UNC79: variants seen among roughly 807,000 people sequenced by gnomAD.
UNC79 encodes the protein unc-79 subunit of NALCN channel complex.
In UNC79, 37 loss-of-function variants were observed where a neutral mutation model predicts 283.1. The observed-to-expected ratio is 0.13, with a 90% confidence interval of 0.10 to 0.17. The LOEUF (loss-of-function observed/expected upper bound fraction) is 0.17. UNC79 is among the 10% of genes least tolerant of loss of function. The pLI is 1.00. For synonymous variants in UNC79, 1,107 were observed against 1,200.2 expected (o/e 0.92, Z 1.61); for missense variants, 2,272 against 3,211.1 (o/e 0.71, Z 7.07).
At chr14:93,670,988 T>C (rs929955570) in intron 40 of UNC79, among the ~76,000 whole-genome samples, 5 of 152,234 alleles carry the variant, frequency 3.3e-5, no homozygotes, top group Non-Finnish European at 7.3e-5. Context: ...TTTCTGCACA[T>C]GTGTTATATT....
intron 1 of UNC79, among the ~76,000 whole-genome samples, chr14:93,401,355 C>T (rs1442188037): frequency 6.6e-6 from 1 of 152,160 alleles, no homozygotes; most frequent in African/African-American, 2.4e-5. Context: ...AAGGTGGCAG[C>T]ATGTACATGT....
intron 23 of UNC79, among the ~76,000 whole-genome samples, chr14:93,594,278 GTT>G (rs989234232): frequency 2.0e-5 from 3 of 150,814 alleles, no homozygotes; most frequent in Admixed American, 6.6e-5. Context: ...GGTTTTTTGT[GTT>G]TTTTTTTGAG....
At chr14:93,654,279 C>T (rs2140349263) in intron 37 of UNC79, among the ~76,000 whole-genome samples, 1 of 152,162 alleles carries the variant, frequency 6.6e-6, no homozygotes, top group South Asian at 2.1e-4. Flanking sequence ...TTGCTCGAGG[C>T]CAGGAGTTCA....
chr14:93,481,046 G>A (rs1164364647), intron 4 of UNC79, among the ~76,000 whole-genome samples: 1 of 152,136 alleles, frequency 6.6e-6, no homozygotes, highest in African/African-American at 2.4e-5. Flanking sequence ...GCTCTTCAGA[G>A]TAAGAGGCCA....
At chr14:93,592,050 T>G in intron 22 of UNC79, among the ~76,000 whole-genome samples, 1 of 152,212 alleles carries the variant, frequency 6.6e-6, no homozygotes. Context: ...TGTAAATGTT[T>G]GTGTGTGTAA....
chr14:93,494,964 T>C (rs919170732), intron 5 of UNC79, among the ~76,000 whole-genome samples: 1 of 152,026 alleles, frequency 6.6e-6, no homozygotes, highest in Non-Finnish European at 1.5e-5. Flanking sequence ...AAACAGGTAA[T>C]AGGATCAAGC....
At chr14:93,591,542 T>C (rs1159540819) in intron 22 of UNC79, among the ~76,000 whole-genome samples, 1 of 152,196 alleles carries the variant, frequency 6.6e-6, no homozygotes, top group Non-Finnish European at 1.5e-5. Context: ...ATAAGGAAAA[T>C]GCATTTGCAG....
Position 93,474,261 on chromosome 14 carries a change from G to T in UNC79, c.316G>T (p.Ala106Ser), listed in dbSNP as rs2057675419. ...CCTCCTTTACAGCGTCCTGCGAGAT[G>T]CTCCCTCAGAACGCGGCCCGCAAAG... Residue 106 changes from alanine (A) to serine (S), a missense_variant, in exon 3 of 49, where the codon GCT (alanine) becomes TCT (serine). This residue lies in a region of UNC79 where 194 missense variants were observed against 268.9 expected (regional missense o/e 0.72). Transcript: ENST00000555664. The surrounding 1 kb of genome is among the most constrained non-coding windows in gnomAD (Gnocchi z 4.1). The T allele has an allele frequency of 5.9e-6, 9 of 1,536,032 alleles. No individual in the cohort carries two copies. The highest frequency in any genetic ancestry group is 7.8e-6 in the Non-Finnish European group (9 of 1,146,856).
At chr14:93,534,769 C>T (rs117633454) in intron 11 of UNC79, among the ~76,000 whole-genome samples, 3,411 of 152,272 alleles carry the variant, frequency 0.022, 55 homozygotes, top group Non-Finnish European at 0.035. Flanking sequence ...TGGGGACATA[C>T]GTAACATATT....
intron 15 of UNC79, 61 bp downstream of exon 15, chr14:93,572,145 T>C (rs760655442): frequency 3.9e-6 from 6 of 1,547,720 alleles, no homozygotes; most frequent in Non-Finnish European, 5.3e-6. Flanking sequence ...TTGGTGAGCA[T>C]GTACTGTATG....
intron 1 of UNC79, among the ~76,000 whole-genome samples, chr14:93,374,937 G>A (rs2054525251): frequency 6.6e-6 from 1 of 152,210 alleles, no homozygotes; most frequent in Admixed American, 6.5e-5. Context: ...TGGTGTTGGA[G>A]TTAAAGCTTT....
At chr14:93,603,331 A>T in exon 26 of UNC79, 1 of 1,614,188 alleles carries the variant, frequency 6.2e-7, no homozygotes, top group Non-Finnish European at 8.5e-7. Flanking sequence ...CCGCCAGAAG[A>T]GTGTACGTTC....
chr14:93,591,217 T>A (rs947571277), intron 22 of UNC79, among the ~76,000 whole-genome samples: 8 of 152,174 alleles, frequency 5.3e-5, no homozygotes, highest in African/African-American at 1.7e-4. Context: ...TACCTCCATA[T>A]GCTCTCTGTA....
chr14:93,681,221 A>G lies in UNC79; in HGVS notation c.6742-1396A>G, dbSNP rs550516202. ...GGAGATCTGTGTCCACTCCTGTCAC[A>G]CAGCTCTTGGGGACAGCTCTGCTTG... On this transcript the variant is annotated intron_variant, in intron 41 of 48. Transcript: ENST00000555664. 2.6e-5 allele frequency among the ~76,000 whole-genome samples: 4 copies of G among 151,642 alleles called. No homozygotes were observed. In the South Asian group the frequency reaches 8.4e-4, roughly 32 times the overall value.
At position 93,690,061 on chromosome 14, in the gene UNC79, C is replaced by T. The variant is rs201522005; in HGVS notation, c.7086-56C>T. Reference sequence around the variant, plus strand: ...CTTCCTTCAATAAGCATTTGTTATGCACCCAATGAAACACAAAACATAAAA... The same window carrying T: ...CTTCCTTCAATAAGCATTTGTTATGTACCCAATGAAACACAAAACATAAAA... On this transcript the variant is annotated intron_variant, in intron 44 of 48. Coordinates refer to ENST00000555664, the Ensembl canonical transcript of UNC79. This position sits in a 1 kb window ranked among gnomAD's most constrained non-coding sequence, Gnocchi z 4.3. The T allele has an allele frequency of 2.3e-4, 363 of 1,568,532 alleles. 2 individuals carry two copies. In the South Asian group the frequency reaches 4.0e-3, roughly 17 times the overall value.
chr14:93,690,952 G>T lies in UNC79; in HGVS notation c.7272+649G>T, dbSNP rs2074641311. The T allele has an allele frequency of 6.5e-6, 1 of 153,234 alleles. No individual in the cohort carries two copies. The highest frequency in any genetic ancestry group is 2.4e-5 in the African/African-American group (1 of 41,456). The allele number at this position is 153,234 out of a possible 1,614,324, so 9.5% of individuals were successfully genotyped here. ...ACAGAGCTTCGGCAAGTTCTGGGAG[G>T]TCACATTGGTCTTGGGGACAGCTCG... On this transcript the variant is annotated intron_variant, in intron 45 of 48. Coordinates refer to ENST00000555664, the Ensembl canonical transcript of UNC79. This position sits in a 1 kb window ranked among gnomAD's most constrained non-coding sequence, Gnocchi z 4.3.
intron 2 of UNC79, among the ~76,000 whole-genome samples, chr14:93,472,509 A>C: frequency 6.6e-6 from 1 of 152,226 alleles, no homozygotes; most frequent in Admixed American, 6.5e-5. Flanking sequence ...GATAAGAAGT[A>C]TTACATAAGT....
At chr14:93,419,096 A>G (rs1261828703) in intron 1 of UNC79, among the ~76,000 whole-genome samples, 1 of 148,492 alleles carries the variant, frequency 6.7e-6, no homozygotes, top group Non-Finnish European at 1.5e-5. Flanking sequence ...GAAATGCAGA[A>G]ATCACCCGTC....
At chr14:93,673,784 T>G (rs938767151) in intron 41 of UNC79, among the ~76,000 whole-genome samples, 5 of 152,026 alleles carry the variant, frequency 3.3e-5, no homozygotes, top group Non-Finnish European at 7.4e-5. Context: ...CTGAGACAGG[T>G]CTACTGAGGC....
Sources: allele counts gnomAD v4.1 joint callset (sites outside exome capture counted in the v4.1 genomes callset), GRCh38; gene constraint gnomAD v4.1.1; regional missense constraint gnomAD v4.1.1; non-coding constraint Gnocchi (gnomAD v3.1); transcripts MANE v1.5; gene names NCBI Gene and HGNC (gene_info 2026-07-23, HGNC 2026-07-21).